The following CCDC148 variants were observed in gnomAD, a reference collection of about 807,000 sequenced individuals.
CCDC148 encodes coiled-coil domain-containing protein 148.
Under a neutral mutation model 85.7 loss-of-function variants are expected in CCDC148, and 89 were observed. The observed-to-expected ratio is 1.04, with a 90% confidence interval of 0.87 to 1.24. CCDC148 has a LOEUF of 1.24. Among genes scored for constraint, CCDC148 ranks in the 50% most tolerant of loss-of-function variants. CCDC148 has a pLI of 0.00. For synonymous variants in CCDC148, 230 were observed against 213.9 expected, an observed-to-expected ratio of 1.08 and a Z score of -0.66; for missense variants, 692 against 671.7, an observed-to-expected ratio of 1.03 and a Z score of -0.33.
At chr2:158,300,109 T>G (rs1364592269) in intron 9 of CCDC148, among the ~76,000 whole-genome samples, 1 of 152,226 alleles carries the variant, frequency 6.6e-6, no homozygotes, top group Non-Finnish European at 1.5e-5. Flanking sequence ...CTCAGAATAT[T>G]CAATGTTGAC....
chr2:158,420,929 G>A (rs1191658220), intron 1 of CCDC148, among the ~76,000 whole-genome samples: 2 of 151,920 alleles, frequency 1.3e-5, no homozygotes, highest in Non-Finnish European at 2.9e-5. Flanking sequence ...AAAAGCAGGG[G>A]TTGCAATCCT....
chr2:158,306,218 T>C (rs960824149), intron 9 of CCDC148, among the ~76,000 whole-genome samples: 6 of 152,110 alleles, frequency 3.9e-5, no homozygotes, highest in African/African-American at 1.4e-4. Context: ...TTCATAGAAC[T>C]ATGCATTAAA....
In CCDC148 at chr2:158,453,359, T is replaced by C. The variant is rs1160073757; in HGVS notation, c.25+3056A>G. On this transcript the variant is annotated intron_variant, in intron 1 of 13. Transcript: ENST00000283233. The stretch of plus-strand genomic sequence containing the variant: ...TTAGGCAGAGCCATGGGAGGATTTG[T>C]ATAATATATTCAGAGGATGGGGATG... Among the ~76,000 whole-genome samples, 4 of 152,206 alleles carry C rather than the reference T, an allele frequency of 2.6e-5. No homozygotes were observed. In the East Asian group the frequency reaches 7.7e-4, roughly 29 times the overall value.
At chr2:158,243,353 T>A (rs894060779) in intron 10 of CCDC148, among the ~76,000 whole-genome samples, 1 of 152,060 alleles carries the variant, frequency 6.6e-6, no homozygotes, top group Non-Finnish European at 1.5e-5. Context: ...ATAATCAAAT[T>A]TTGGGGGACT....
chr2:158,262,115 T>A (rs1346360143), intron 9 of CCDC148, among the ~76,000 whole-genome samples: 1 of 152,084 alleles, frequency 6.6e-6, no homozygotes, highest in Non-Finnish European at 1.5e-5. Context: ...TCAACCTAAA[T>A]GCCTACCAAT....
At chr2:158,334,322 G>T (rs1396941944) in intron 7 of CCDC148, among the ~76,000 whole-genome samples, 1 of 152,068 alleles carries the variant, frequency 6.6e-6, no homozygotes, top group Non-Finnish European at 1.5e-5. Flanking sequence ...GAAGCATTTT[G>T]TGCTGCGGTC....
chr2:158,420,014 C>T (rs912167417), intron 1 of CCDC148: 5 of 152,160 alleles, frequency 3.3e-5, no homozygotes, highest in African/African-American at 1.2e-4. Context: ...CTGACAACTC[C>T]TTCACTGTGG....
chr2:158,380,453 A>C (rs1430862050), intron 1 of CCDC148, among the ~76,000 whole-genome samples: 1 of 152,180 alleles, frequency 6.6e-6, no homozygotes, highest in African/African-American at 2.4e-5. Context: ...AAAGACTGAA[A>C]GACTGAATTC....
At chr2:158,226,409 T>C (rs998753107) in intron 10 of CCDC148, among the ~76,000 whole-genome samples, 5 of 152,330 alleles carry the variant, frequency 3.3e-5, no homozygotes, top group African/African-American at 1.2e-4. Flanking sequence ...TTTCTGAAAC[T>C]ATTCCAATCA....
At chr2:158,223,755 G>C (rs1687331673) in intron 10 of CCDC148, among the ~76,000 whole-genome samples, 1 of 152,230 alleles carries the variant, frequency 6.6e-6, no homozygotes, top group Non-Finnish European at 1.5e-5. Flanking sequence ...CTGCAGCTGA[G>C]GGTGCTGACT....
chr2:158,455,405 A>G (rs1421130414), intron 1 of CCDC148, among the ~76,000 whole-genome samples: 1 of 151,728 alleles, frequency 6.6e-6, no homozygotes, highest in Non-Finnish European at 1.5e-5. Flanking sequence ...TTTTTTTCCA[A>G]TCAAGGCACC....
chr2:158,204,091 G>C (rs1686105811), intron 11 of CCDC148, among the ~76,000 whole-genome samples: 1 of 152,176 alleles, frequency 6.6e-6, no homozygotes, highest in African/African-American at 2.4e-5. Flanking sequence ...TCTACTCAAT[G>C]AATATTTATT....
intron 10 of CCDC148, among the ~76,000 whole-genome samples, chr2:158,220,929 T>G (rs117299236): frequency 6.6e-6 from 1 of 152,312 alleles, no homozygotes; most frequent in East Asian, 1.9e-4. Context: ...GTTTAACAAT[T>G]TCTGCAATGA....
At chr2:158,252,767 T>A (rs1688847198) in intron 9 of CCDC148, among the ~76,000 whole-genome samples, 1 of 151,836 alleles carries the variant, frequency 6.6e-6, no homozygotes, top group South Asian at 2.1e-4. Flanking sequence ...GATGTGCTTA[T>A]CCCCTTCTAG....
chr2:158,440,427 C>T (rs1687882051), intron 1 of CCDC148, among the ~76,000 whole-genome samples: 1 of 152,018 alleles, frequency 6.6e-6, no homozygotes, highest in Non-Finnish European at 1.5e-5. Context: ...ACTCAAATGC[C>T]CATCAACAGG....
chr2:158,243,966 G>C (rs192772006), intron 10 of CCDC148, among the ~76,000 whole-genome samples: 42 of 151,942 alleles, frequency 2.8e-4, no homozygotes, highest in African/African-American at 9.6e-4. Context: ...TCTAACTGCA[G>C]GACATGACTG....
At chr2:158,421,566 A>G (rs1017140073) in intron 1 of CCDC148, among the ~76,000 whole-genome samples, 2 of 152,098 alleles carry the variant, frequency 1.3e-5, no homozygotes, top group African/African-American at 4.8e-5. Context: ...ACATACCACC[A>G]CCTCTGGGAC....
chr2:158,426,069 CTCTT>C, intron 1 of CCDC148, among the ~76,000 whole-genome samples: 1 of 150,210 alleles, frequency 6.7e-6, no homozygotes, highest in Non-Finnish European at 1.5e-5. Flanking sequence ...GATGTTAATT[CTCTT>C]AGTAAAAATC....
chr2:158,425,045 C>A, intron 1 of CCDC148: 1 of 442,100 alleles, frequency 2.3e-6, no homozygotes. Context: ...AATGAGGGGG[C>A]CCTAGGGGGT....
Sources: allele counts gnomAD v4.1 joint callset (sites outside exome capture counted in the v4.1 genomes callset), GRCh38; gene constraint gnomAD v4.1.1; transcripts MANE v1.5; gene names NCBI Gene and HGNC (gene_info 2026-07-23, HGNC 2026-07-21).